The following VWDE variants were observed in gnomAD, a reference collection of about 807,000 sequenced individuals.
VWDE encodes von Willebrand factor D and EGF domain-containing protein.
VWDE carries 207 observed loss-of-function variants against 178.4 expected under a neutral mutation model. The ratio of observed to expected loss-of-function variants is 1.16; its 90% CI spans 1.04 to 1.30. VWDE has a LOEUF of 1.30. Ranked by LOEUF, VWDE falls within the 50% of genes most tolerant of loss-of-function variation. VWDE has a pLI of 0.00. For missense variants in VWDE, 2,287 were observed against 1,901.3 expected, an observed-to-expected ratio of 1.20 and a Z score of -3.77; for synonymous variants, 738 against 651.4, an observed-to-expected ratio of 1.13 and a Z score of -2.02.
At chr7:12,377,169 C>T (rs984399011) in intron 7 of VWDE, among the ~76,000 whole-genome samples, 3 of 152,062 alleles carry the variant, frequency 2.0e-5, no homozygotes, top group East Asian at 1.9e-4. Context: ...GGTTTGTCCT[C>T]GCATATTCTA....
At chr7:12,333,360 A>C in intron 28 of VWDE, 105 bp downstream of exon 28, 1 of 741,194 alleles carries the variant, frequency 1.3e-6, no homozygotes, top group Non-Finnish European at 2.1e-6. Context: ...TGCTTTTTTT[A>C]TTTTGGAAAT....
At chr7:12,368,655 G>A (rs1470304382) in intron 12 of VWDE, among the ~76,000 whole-genome samples, 1 of 152,146 alleles carries the variant, frequency 6.6e-6, no homozygotes, top group Non-Finnish European at 1.5e-5. Flanking sequence ...CTCTGAAGGA[G>A]ATGGAGAGCC....
At chr7:12,381,852 G>A (rs1583335406) in intron 4 of VWDE, among the ~76,000 whole-genome samples, 1 of 151,818 alleles carries the variant, frequency 6.6e-6, no homozygotes, top group South Asian at 2.1e-4. Flanking sequence ...TTAAGAATAA[G>A]AGAAGACAAA....
intron 1 of VWDE, 148 bp from the exon 2 acceptor site, chr7:12,393,926 T>A: frequency 1.7e-6 from 1 of 573,220 alleles, no homozygotes; most frequent in South Asian, 3.8e-5. Flanking sequence ...CAGGGTCTCT[T>A]AGTAAGTCAT....
intron 17 of VWDE, 145 bp from the exon 18 acceptor site, chr7:12,356,475 T>A: frequency 1.5e-6 from 1 of 647,236 alleles, no homozygotes; most frequent in Non-Finnish European, 2.6e-6. Flanking sequence ...CACACACAAA[T>A]GTAATATAAA....
intron 2 of VWDE, among the ~76,000 whole-genome samples, chr7:12,392,466 A>C (rs934360853): frequency 2.0e-5 from 3 of 152,168 alleles, no homozygotes; most frequent in Non-Finnish European, 4.4e-5. Context: ...TATGATAAGT[A>C]GAAATAATGT....
intron 15 of VWDE, among the ~76,000 whole-genome samples, chr7:12,360,010 T>C (rs1180759179): frequency 6.6e-6 from 1 of 152,136 alleles, no homozygotes; most frequent in African/African-American, 2.4e-5. Flanking sequence ...TAGGAGTGCT[T>C]TATTCATAAA....
intron 19 of VWDE, among the ~76,000 whole-genome samples, chr7:12,344,705 C>A (rs1781508190): frequency 6.6e-6 from 1 of 152,118 alleles, no homozygotes; most frequent in Non-Finnish European, 1.5e-5. Context: ...CACAAGACAG[C>A]TTCTATGTTG....
At chr7:12,339,126 A>G (rs1781191904) in intron 24 of VWDE, among the ~76,000 whole-genome samples, 1 of 152,110 alleles carries the variant, frequency 6.6e-6, no homozygotes, top group Non-Finnish European at 1.5e-5. Context: ...AGGCAAGCTC[A>G]TTGTAAAACC....
chr7:12,370,997 T>C, intron 10 of VWDE, 133 bp from the exon 11 acceptor site: 1 of 766,376 alleles, frequency 1.3e-6, no homozygotes, highest in East Asian at 3.0e-5. Flanking sequence ...ATACTGATTT[T>C]CTTGACTACA....
At chr7:12,389,399 T>C (rs1583347467) in intron 2 of VWDE, 41 bp from the exon 3 acceptor site, 1 of 1,398,050 alleles carries the variant, frequency 7.2e-7, no homozygotes, top group Non-Finnish European at 9.9e-7. Flanking sequence ...ATTCAGTTTA[T>C]TTTCATCCAT....
At chr7:12,397,611 T>C (rs1158100854) in intron 1 of VWDE, among the ~76,000 whole-genome samples, 1 of 152,016 alleles carries the variant, frequency 6.6e-6, no homozygotes, top group Non-Finnish European at 1.5e-5. Context: ...AAATAAACTA[T>C]CAATAGAGTA....
chr7:12,380,818 CTGTGG>C (rs1783816836), intron 4 of VWDE, 85 bp from the exon 5 acceptor site: 1 of 1,449,932 alleles, frequency 6.9e-7, no homozygotes, highest in African/African-American at 1.4e-5. Flanking sequence ...GACTATAACT[CTGTGG>C]TTTATCTTAA....
At chr7:12,394,052 A>G (rs1053652447) in intron 1 of VWDE, among the ~76,000 whole-genome samples, 2 of 152,304 alleles carry the variant, frequency 1.3e-5, no homozygotes, top group East Asian at 1.9e-4. Flanking sequence ...TTTAATTCGA[A>G]CAACCAATAG....
chr7:12,370,059 T>C lies in VWDE; in HGVS notation c.2247A>G (p.Arg749=), dbSNP rs987426503. Residue 749 remains arginine, a synonymous_variant, in exon 12 of 29, where the codon AGA becomes AGG. Coordinates refer to ENST00000275358, the MANE Select transcript of VWDE (RefSeq NM_001135924.3). Reference sequence around the variant, plus strand: ...ACTCATGAAAGTTCTGCCGTTTCCATCTGTTTTGTCGATTGTACCTCATTT... The same window carrying C: ...ACTCATGAAAGTTCTGCCGTTTCCACCTGTTTTGTCGATTGTACCTCATTT... ...SQEMRYNRQN[R]WKRQNFHEFP... 6.4e-7 allele frequency: 1 copy of C among 1,551,566 alleles called. No homozygotes were observed. The highest frequency in any genetic ancestry group is 8.7e-7 in the Non-Finnish European group (1 of 1,146,906).
chr7:12,391,319 T>C (rs1784380108), intron 2 of VWDE, among the ~76,000 whole-genome samples: 1 of 152,192 alleles, frequency 6.6e-6, no homozygotes. Context: ...CCACGTGTAT[T>C]AACCTGTAGA....
chr7:12,360,238 G>T (rs185907949), intron 15 of VWDE, among the ~76,000 whole-genome samples: 1 of 152,098 alleles, frequency 6.6e-6, no homozygotes. Flanking sequence ...AATGTAGAAA[G>T]TATTCTTAGG....
intron 19 of VWDE, among the ~76,000 whole-genome samples, chr7:12,346,137 C>T (rs888463533): frequency 3.9e-5 from 6 of 152,044 alleles, no homozygotes; most frequent in Admixed American, 1.3e-4. Context: ...CTTCAAGGAG[C>T]TTATAATCTT....
chr7:12,386,495 T>C (rs1562513432), intron 3 of VWDE, among the ~76,000 whole-genome samples: 1 of 152,202 alleles, frequency 6.6e-6, no homozygotes, highest in African/African-American at 2.4e-5. Context: ...GGCCTTGCGC[T>C]TTCAAACCCC....
Sources: gnomAD v4.1 joint callset for allele counts (sites outside exome capture counted in the v4.1 genomes callset) on GRCh38, gnomAD v4.1.1 for gene constraint, MANE v1.5 for transcripts, NCBI Gene and HGNC (gene_info 2026-07-23, HGNC 2026-07-21) for gene names.